The following RANBP2 variants were observed in gnomAD, a reference collection of about 807,000 sequenced individuals.
RANBP2 encodes the protein RAN binding protein 2.
RANBP2 carries 57 observed loss-of-function variants against 303.6 expected under a neutral mutation model. That is an observed-to-expected ratio of 0.19 (90% CI 0.15 to 0.23). The LOEUF (loss-of-function observed/expected upper bound fraction) is 0.23. Ranked by LOEUF, RANBP2 falls within the 10% of genes least tolerant of loss-of-function variation. The pLI, the probability that RANBP2 is intolerant of heterozygous loss-of-function variation, is 1.00. For missense variants in RANBP2, 3,138 were observed against 3,780.8 expected (o/e 0.83, Z 4.46); for synonymous variants, 1,167 against 1,301.5 (o/e 0.90, Z 2.23).
chr2:109,221,407 AC>A, the RANBP2 span, among the ~76,000 whole-genome samples: 1 of 152,082 alleles, frequency 6.6e-6, no homozygotes, highest in Non-Finnish European at 1.5e-5. Flanking sequence ...ATATGGCAAA[AC>A]CCTGTCTCTA....
the RANBP2 span, among the ~76,000 whole-genome samples, chr2:108,961,771 G>A: frequency 1.3e-5 from 2 of 152,146 alleles, no homozygotes; most frequent in Non-Finnish European, 2.9e-5. Flanking sequence ...CAGCCCATGT[G>A]TTGGGTCTTT....
the RANBP2 span, chr2:109,667,400 A>G: frequency 2.1e-5 from 9 of 421,958 alleles, no homozygotes; most frequent in Middle Eastern, 9.1e-4. Flanking sequence ...GGATGAGACC[A>G]GAGTTATTCA....
chr2:109,128,048 T>C, the RANBP2 span: 2 of 152,246 alleles, frequency 1.3e-5, no homozygotes, highest in African/African-American at 4.8e-5. Context: ...ACTCTTCTGA[T>C]GTTAGCCCTG....
the RANBP2 span, among the ~76,000 whole-genome samples, chr2:109,281,718 C>T: frequency 3.9e-5 from 6 of 152,158 alleles, no homozygotes; most frequent in Non-Finnish European, 8.8e-5. Context: ...GAGTCCGTAT[C>T]TGATTTCCAT....
the RANBP2 span, among the ~76,000 whole-genome samples, chr2:109,053,885 C>G: frequency 7.2e-5 from 11 of 152,134 alleles, no homozygotes; most frequent in Non-Finnish European, 1.5e-4. Flanking sequence ...CTGGCACCGG[C>G]TCACAGGCCC....
Position 108,763,950 on chromosome 2 carries a change from A to G in RANBP2, c.3411A>G (p.Pro1137=), listed in dbSNP as rs76461420. 2 of 1,613,892 alleles carry G rather than the reference A, an allele frequency of 1.2e-6. No homozygotes were observed. The highest frequency in any genetic ancestry group is 1.7e-6 in the Non-Finnish European group (2 of 1,179,976). Residue 1137 remains proline, a synonymous_variant, in exon 20 of 29, where the codon CCA becomes CCG. Coordinates refer to ENST00000283195, the MANE Select transcript of RANBP2 (RefSeq NM_006267.5). ...ATGATATGTTTACTTTCCATGGTCC[A>G]GGGAAATCAGTATTTGGAACACCCA... ...RSDDMFTFHG[P]GKSVFGTPTL... is the part of the protein sequence containing the mutation.
the RANBP2 span, among the ~76,000 whole-genome samples, chr2:108,947,991 A>C: frequency 2.6e-5 from 4 of 152,214 alleles, no homozygotes; most frequent in African/African-American, 9.6e-5. Flanking sequence ...CATAAGTTCC[A>C]ATTTCAAACC....
At chr2:109,497,333 C>T in the RANBP2 span, among the ~76,000 whole-genome samples, 3 of 152,320 alleles carry the variant, frequency 2.0e-5, no homozygotes, top group South Asian at 6.2e-4. Context: ...AAGGCTACCA[C>T]ATGGAGGGCC....
the RANBP2 span, among the ~76,000 whole-genome samples, chr2:109,430,441 G>C: frequency 6.6e-6 from 1 of 151,954 alleles, no homozygotes; most frequent in Non-Finnish European, 1.5e-5. Flanking sequence ...CTGTGTGGAA[G>C]CCACCCTCCT....
the RANBP2 span, among the ~76,000 whole-genome samples, chr2:108,854,009 TA>T: frequency 1.0e-5 from 1 of 98,694 alleles, no homozygotes; most frequent in Non-Finnish European, 2.0e-5. Context: ...ATATTATATA[TA>T]ATATATAATA....
the RANBP2 span, among the ~76,000 whole-genome samples, chr2:109,306,972 G>T: frequency 6.6e-6 from 1 of 152,196 alleles, no homozygotes; most frequent in Admixed American, 6.5e-5. Flanking sequence ...ATTGCTTGCC[G>T]CTTGGCATGA....
At chr2:109,545,646 T>TC in the RANBP2 span, 2 of 1,501,964 alleles carry the variant, frequency 1.3e-6, no homozygotes, top group African/African-American at 1.4e-5. Flanking sequence ...TGTCTATAAT[T>TC]CCCCAACAAA....
the RANBP2 span, among the ~76,000 whole-genome samples, chr2:109,295,446 C>T: frequency 9.2e-3 from 1,402 of 152,294 alleles, 25 homozygotes; most frequent in African/African-American, 0.031. Context: ...CCGAGGGGCA[C>T]GCAGGGCAGG....
At chr2:108,917,744 G>A in the RANBP2 span, among the ~76,000 whole-genome samples, 2 of 152,048 alleles carry the variant, frequency 1.3e-5, no homozygotes, top group African/African-American at 4.8e-5. Context: ...TCTCACCTCT[G>A]CTTGCTGCCA....
chr2:109,520,625 GA>G, the RANBP2 span, among the ~76,000 whole-genome samples: 1 of 82,940 alleles, frequency 1.2e-5, no homozygotes, highest in African/African-American at 4.0e-5. Context: ...AAAAAAAAAA[GA>G]AAAAAAAGAA....
the RANBP2 span, among the ~76,000 whole-genome samples, chr2:109,496,837 G>A: frequency 2.0e-5 from 3 of 152,210 alleles, no homozygotes. Flanking sequence ...TTAAAATAAA[G>A]AGATTACCCG....
At chr2:108,786,663 C>T (rs115054457), downstream of RANBP2, 317 of 643,448 alleles carry the variant, frequency 4.9e-4, 1 homozygote, top group African/African-American at 4.4e-3. Flanking sequence ...CGCTGACAAG[C>T]CGGGCTGCAG....
chr2:109,272,393 C>T, the RANBP2 span, among the ~76,000 whole-genome samples: 1 of 152,194 alleles, frequency 6.6e-6, no homozygotes, highest in Non-Finnish European at 1.5e-5. Context: ...GTGCAGGCAC[C>T]ATGAGGGCAA....
At chr2:109,657,867 G>A in the RANBP2 span, among the ~76,000 whole-genome samples, 2 of 151,578 alleles carry the variant, frequency 1.3e-5, no homozygotes, top group Non-Finnish European at 2.9e-5. Context: ...TTACAGGCAC[G>A]CACCACCAGG....
Sources: gnomAD v4.1 joint callset for allele counts (sites outside exome capture counted in the v4.1 genomes callset) on GRCh38, gnomAD v4.1.1 for gene constraint, MANE v1.5 for transcripts, NCBI Gene and HGNC (gene_info 2026-07-23, HGNC 2026-07-21) for gene names.